Variants in PTPRD observed in about 807,000 individuals in gnomAD.
PTPRD encodes protein tyrosine phosphatase receptor type D, also known as receptor-type tyrosine-protein phosphatase delta.
In PTPRD, 34 loss-of-function variants were observed where a neutral mutation model predicts 214.5. The observed-to-expected ratio is 0.16, with a 90% CI of 0.12 to 0.21. The LOEUF is 0.21. Among genes scored for constraint, PTPRD ranks in the 10% least tolerant of loss-of-function variants. The pLI, the probability that PTPRD is intolerant of heterozygous loss-of-function variation, is 1.00. For synonymous variants in PTPRD, 1,128 were observed against 845.7 expected (o/e 1.33, Z -5.79); for missense variants, 2,545 against 2,398.7 (o/e 1.06, Z -1.27).
At chr9:8,930,586 A>G (rs2098945734) in intron 11 of PTPRD, among the ~76,000 whole-genome samples, 1 of 152,114 alleles carries the variant, frequency 6.6e-6, no homozygotes, top group Non-Finnish European at 1.5e-5. Context: ...CAACAGTGTA[A>G]AAGTGTTCCT....
At chr9:10,162,092 G>A (rs372649039) in intron 3 of PTPRD, among the ~76,000 whole-genome samples, 1 of 151,626 alleles carries the variant, frequency 6.6e-6, no homozygotes, top group Non-Finnish European at 1.5e-5. Flanking sequence ...CACTATTGGT[G>A]CAGGTACAAA....
intron 5 of PTPRD, among the ~76,000 whole-genome samples, chr9:9,930,195 A>G (rs918035919): frequency 2.0e-5 from 3 of 152,212 alleles, no homozygotes; most frequent in Admixed American, 2.0e-4. Context: ...GAAACAGTTT[A>G]GGAGACCTGC....
chr9:8,700,786 C>T (rs2098060865), intron 12 of PTPRD: 1 of 152,210 alleles, frequency 6.6e-6, no homozygotes, highest in African/African-American at 2.4e-5. Context: ...GTTGCTAAAA[C>T]ACTAGTAATA....
intron 8 of PTPRD, among the ~76,000 whole-genome samples, chr9:9,556,067 C>G (rs1240027516): frequency 1.3e-5 from 2 of 152,050 alleles, no homozygotes; most frequent in Non-Finnish European, 2.9e-5. Flanking sequence ...TCCCCATGAA[C>G]TTAACTATGA....
At chr9:9,721,813 T>C (rs573822798) in intron 7 of PTPRD, among the ~76,000 whole-genome samples, 8 of 152,210 alleles carry the variant, frequency 5.3e-5, no homozygotes, top group Admixed American at 3.9e-4. Flanking sequence ...GTAATAAAAA[T>C]TAACAGCACT....
chr9:9,497,566 C>G (rs1453978726), intron 8 of PTPRD, among the ~76,000 whole-genome samples: 2 of 152,024 alleles, frequency 1.3e-5, no homozygotes, highest in Non-Finnish European at 2.9e-5. Flanking sequence ...TGTTTACGAA[C>G]AAATATTTTT....
rs1318751628 is a variant in PTPRD at position 9,478,775 on chromosome 9, T to G, written c.-236-81293A>C. Among the ~76,000 whole-genome samples, 3 of 152,224 alleles carry G rather than the reference T, an allele frequency of 2.0e-5. No homozygotes were observed. The East Asian group carries it at 5.8e-4, about 29-fold the overall frequency. On this transcript the variant is annotated intron_variant, in intron 8 of 45. Coordinates refer to ENST00000381196, the MANE Select transcript of PTPRD (RefSeq NM_002839.4). The stretch of plus-strand genomic sequence containing the variant: ...ATTTTAAAACCCCAAATATTTCAAG[T>G]GCCTCTTCTTTGTTAAAGATGCTGC...
chr9:9,417,949 C>G (rs1360074058), intron 8 of PTPRD, among the ~76,000 whole-genome samples: 1 of 151,976 alleles, frequency 6.6e-6, no homozygotes, highest in Non-Finnish European at 1.5e-5. Context: ...CCAATTAGAT[C>G]CTGTTTCCAA....
chr9:8,871,541 T>C (rs926096232), intron 11 of PTPRD, among the ~76,000 whole-genome samples: 7 of 152,176 alleles, frequency 4.6e-5, no homozygotes, highest in African/African-American at 1.7e-4. Context: ...AGGAAGAGTT[T>C]ATATTTAGAA....
At chr9:10,281,187 T>A (rs550903216) in intron 3 of PTPRD, among the ~76,000 whole-genome samples, 31 of 152,196 alleles carry the variant, frequency 2.0e-4, no homozygotes, top group African/African-American at 7.2e-4. Context: ...TGAAAATGAG[T>A]AAAAACAAGT....
chr9:8,569,009 G>A (rs1321414410), intron 14 of PTPRD, among the ~76,000 whole-genome samples: 1 of 151,894 alleles, frequency 6.6e-6, no homozygotes, highest in Non-Finnish European at 1.5e-5. Context: ...AAACACATCT[G>A]ACTTTAAACA....
chr9:9,462,631 T>C (rs747459897), intron 8 of PTPRD, among the ~76,000 whole-genome samples: 1 of 152,172 alleles, frequency 6.6e-6, no homozygotes, highest in Non-Finnish European at 1.5e-5. Context: ...CTCGTTGTTT[T>C]GCAGATCCTT....
At chr9:9,936,373 A>G (rs1031347612) in intron 5 of PTPRD, among the ~76,000 whole-genome samples, 16 of 151,932 alleles carry the variant, frequency 1.1e-4, no homozygotes, top group Non-Finnish European at 2.2e-4. Context: ...AACTCAAACA[A>G]ATTTACAAGA....
chr9:8,595,122 C>G (rs1233511357), intron 14 of PTPRD, among the ~76,000 whole-genome samples: 1 of 151,104 alleles, frequency 6.6e-6, no homozygotes, highest in Non-Finnish European at 1.5e-5. Flanking sequence ...CTCGGCCTCC[C>G]AAAGTGCTGG....
intron 33 of PTPRD, among the ~76,000 whole-genome samples, chr9:8,455,830 A>C (rs2096175843): frequency 6.6e-6 from 1 of 152,216 alleles, no homozygotes; most frequent in Non-Finnish European, 1.5e-5. Flanking sequence ...TCTATGCCTC[A>C]GGATGGAAAA....
intron 4 of PTPRD, among the ~76,000 whole-genome samples, chr9:9,968,467 C>T (rs951016876): frequency 6.6e-6 from 1 of 152,252 alleles, no homozygotes; most frequent in South Asian, 2.1e-4. Flanking sequence ...TATAACCATT[C>T]AAATTAGCTA....
chr9:9,969,084 C>T (rs1239703084), intron 4 of PTPRD, among the ~76,000 whole-genome samples: 1 of 152,032 alleles, frequency 6.6e-6, no homozygotes, highest in Non-Finnish European at 1.5e-5. Context: ...AGTCTTTGGT[C>T]CTACGAAAGC....
chr9:10,596,903 C>G (rs981245151), intron 2 of PTPRD, among the ~76,000 whole-genome samples: 6 of 151,254 alleles, frequency 4.0e-5, no homozygotes, highest in African/African-American at 1.5e-4. Flanking sequence ...TAGTAAAAAC[C>G]AAGTCTTAGG....
At chr9:9,573,386 A>T (rs2154302835) in intron 8 of PTPRD, among the ~76,000 whole-genome samples, 1 of 151,454 alleles carries the variant, frequency 6.6e-6, no homozygotes, top group East Asian at 1.9e-4. Flanking sequence ...AGAGTATAAC[A>T]GGACTCAAAG....
Sources: gnomAD v4.1 joint callset for allele counts (sites outside exome capture counted in the v4.1 genomes callset) on GRCh38, gnomAD v4.1.1 for gene constraint, MANE v1.5 for transcripts, NCBI Gene and HGNC (gene_info 2026-07-23, HGNC 2026-07-21) for gene names.